The following PALM2AKAP2 variants were observed in gnomAD, a reference collection of about 807,000 sequenced individuals.
The protein encoded by PALM2AKAP2 is PALM2-AKAP2 fusion protein.
PALM2AKAP2 carries 37 observed loss-of-function variants against 71.5 expected under a neutral mutation model. The ratio of observed to expected loss-of-function variants is 0.52; its 90% confidence interval spans 0.40 to 0.68. The LOEUF is 0.68. PALM2AKAP2 is among the 30% of genes least tolerant of loss of function. The probability of loss-of-function intolerance (pLI) is 0.00; values close to 1 mark genes in which losing one functional copy is unlikely to be tolerated. For missense variants in PALM2AKAP2, 1,224 were observed against 1,191.8 expected, an observed-to-expected ratio of 1.03 and a Z score of -0.40; for synonymous variants, 468 against 478.8, an observed-to-expected ratio of 0.98 and a Z score of 0.29.
chr9:110,148,333 CAAT>C (rs1364622331), intron 2 of PALM2AKAP2, among the ~76,000 whole-genome samples: 1 of 152,116 alleles, frequency 6.6e-6, no homozygotes, highest in Non-Finnish European at 1.5e-5. Context: ...TACCTTTAAG[CAAT>C]AATATTTGAC....
At chr9:109,831,957 G>A (rs186110558) in intron 1 of PALM2AKAP2, among the ~76,000 whole-genome samples, 3 of 152,150 alleles carry the variant, frequency 2.0e-5, no homozygotes, top group African/African-American at 7.2e-5. Context: ...GAATTCTAAA[G>A]TCACACACTG....
chr9:110,146,511 A>G (rs1836175104), intron 2 of PALM2AKAP2, among the ~76,000 whole-genome samples: 1 of 152,190 alleles, frequency 6.6e-6, no homozygotes, highest in South Asian at 2.1e-4. Context: ...TCAGCCATGC[A>G]CAAAAACAGA....
intron 1 of PALM2AKAP2, among the ~76,000 whole-genome samples, chr9:110,099,722 A>C (rs1834946446): frequency 1.3e-5 from 2 of 152,188 alleles, no homozygotes; most frequent in Non-Finnish European, 2.9e-5. Flanking sequence ...AATTTGAAAA[A>C]TGAAAAGTGG....
rs916770417 is a variant in PALM2AKAP2 at position 109,640,808 on chromosome 9, G to A, written c.-54G>A. The A allele has an allele frequency of 4.5e-5, 68 of 1,504,808 alleles. No homozygotes were observed. In the East Asian group the frequency reaches 7.8e-4, roughly 17 times the overall value. The allele number at this position is 1,504,808 out of a possible 1,614,324, so 93.2% of individuals were successfully genotyped here. ...GGCCAGTGCACTCGGCTCCGGGAGA[G>A]GCGAGCAGCGCCGGTGAGCCCCGCA... On this transcript the variant is annotated 5_prime_UTR_variant, in exon 1 of 7. Coordinates refer to the PALM2AKAP2 transcript ENST00000374531.
At chr9:109,644,812 G>A in intron 1 of PALM2AKAP2, among the ~76,000 whole-genome samples, 1 of 152,158 alleles carries the variant, frequency 6.6e-6, no homozygotes. Flanking sequence ...AACATAACAA[G>A]AGTCACCTTT....
At chr9:109,664,964 C>G in intron 1 of PALM2AKAP2, among the ~76,000 whole-genome samples, 1 of 152,174 alleles carries the variant, frequency 6.6e-6, no homozygotes. Flanking sequence ...CTTTCTTCCA[C>G]TTGATTGAAT....
chr9:110,004,344 G>A (rs1182210648), intron 6 of PALM2AKAP2, among the ~76,000 whole-genome samples: 1 of 152,194 alleles, frequency 6.6e-6, no homozygotes, highest in Non-Finnish European at 1.5e-5. Flanking sequence ...CTTTAAGAAT[G>A]TTGAATATTG....
chr9:109,872,365 A>G (rs982431884), intron 2 of PALM2AKAP2, among the ~76,000 whole-genome samples: 1 of 152,094 alleles, frequency 6.6e-6, no homozygotes, highest in Admixed American at 6.5e-5. Context: ...GAATTGCCAG[A>G]GATTTGTCTA....
chr9:110,058,846 T>A (rs1486401488), intron 1 of PALM2AKAP2, among the ~76,000 whole-genome samples: 4 of 151,828 alleles, frequency 2.6e-5, no homozygotes, highest in African/African-American at 4.8e-5. Context: ...CCTGTATCAA[T>A]ACTGGGAAGT....
At chr9:109,950,048 G>A (rs988336062) in intron 6 of PALM2AKAP2, among the ~76,000 whole-genome samples, 2 of 152,174 alleles carry the variant, frequency 1.3e-5, no homozygotes, top group Non-Finnish European at 2.9e-5. Context: ...ACTTTGGGGG[G>A]CCAAGGCAGG....
intron 1 of PALM2AKAP2, among the ~76,000 whole-genome samples, chr9:109,827,703 T>C (rs1040357684): frequency 2.0e-5 from 3 of 152,134 alleles, no homozygotes; most frequent in Admixed American, 6.5e-5. Context: ...TTATCTCCTT[T>C]ATCTCATTGG....
intron 1 of PALM2AKAP2, among the ~76,000 whole-genome samples, chr9:109,671,948 G>A (rs1325117695): frequency 1.3e-5 from 2 of 152,148 alleles, no homozygotes; most frequent in Non-Finnish European, 2.9e-5. Context: ...CATTGATTTT[G>A]TATCTTGAGA....
At position 110,040,864 on chromosome 9, in the gene PALM2AKAP2, C is replaced by A. The variant is rs1444330388; in HGVS notation, c.582+24825C>A. On this transcript the variant is annotated intron_variant, in intron 7 of 9. Transcript: ENST00000302798. Reference sequence around the variant, plus strand: ...TGTTTTCCAGCATTCTATCTGTGAACAAGCTGTGTACATTCCAAGTATATT... The same window carrying A: ...TGTTTTCCAGCATTCTATCTGTGAAAAAGCTGTGTACATTCCAAGTATATT... Among the ~76,000 whole-genome samples the A allele has an allele frequency of 2.0e-5, 3 of 152,146 alleles. No individual in the cohort carries two copies. In the East Asian group the frequency reaches 5.8e-4, roughly 29 times the overall value.
At chr9:110,004,048 A>G (rs1300450386) in intron 6 of PALM2AKAP2, among the ~76,000 whole-genome samples, 10 of 152,138 alleles carry the variant, frequency 6.6e-5, no homozygotes, top group Admixed American at 5.9e-4. Context: ...TAATATTGTT[A>G]TGTATGAATT....
intron 1 of PALM2AKAP2, among the ~76,000 whole-genome samples, chr9:110,100,941 C>T (rs1003646277): frequency 6.6e-6 from 1 of 152,016 alleles, no homozygotes; most frequent in African/African-American, 2.4e-5. Flanking sequence ...GAGGTGAGTG[C>T]CTGGAGGAGA....
At chr9:109,720,993 G>T (rs1010752215) in intron 1 of PALM2AKAP2, among the ~76,000 whole-genome samples, 1 of 152,172 alleles carries the variant, frequency 6.6e-6, no homozygotes, top group Non-Finnish European at 1.5e-5. Context: ...TCTCCAAGAG[G>T]GAGAGCAGAA....
At chr9:109,968,815 G>A (rs1460759732) in intron 6 of PALM2AKAP2, among the ~76,000 whole-genome samples, 1 of 152,196 alleles carries the variant, frequency 6.6e-6, no homozygotes, top group Non-Finnish European at 1.5e-5. Context: ...CCCCTGGAAA[G>A]GCTGGCTATG....
rs961312912 is a variant in PALM2AKAP2 at position 109,852,019 on chromosome 9, A to C, written c.46-15472A>C. 3.9e-5 allele frequency among the ~76,000 whole-genome samples: 6 copies of C among 152,210 alleles called. No individual in the cohort carries two copies. In the South Asian group the frequency reaches 1.2e-3, roughly 32 times the overall value. The stretch of plus-strand genomic sequence containing the variant: ...ACTTAATCCTACCTGGTTCCCCATC[A>C]ATAGGTAAAACAAAGTGGTTCTGAG... On this transcript the variant is annotated intron_variant, in intron 1 of 9. Transcript: ENST00000302798.
intron 3 of PALM2AKAP2, among the ~76,000 whole-genome samples, chr9:109,898,782 A>G (rs1830263456): frequency 1.3e-5 from 2 of 152,118 alleles, no homozygotes; most frequent in African/African-American, 4.8e-5. Context: ...CAGCGTCTCT[A>G]TGTCCCATTC....
Sources: allele counts gnomAD v4.1 joint callset (sites outside exome capture counted in the v4.1 genomes callset), GRCh38; gene constraint gnomAD v4.1.1; transcripts MANE v1.5; gene names NCBI Gene and HGNC (gene_info 2026-07-23, HGNC 2026-07-21).